The following CLVS1 variants were observed in gnomAD, a reference collection of about 807,000 sequenced individuals.
The protein encoded by CLVS1 is clavesin-1.
In CLVS1, 10 loss-of-function variants were observed where a neutral mutation model predicts 33.1. The ratio of observed to expected loss-of-function variants is 0.30; its 90% CI spans 0.19 to 0.51. The LOEUF (loss-of-function observed/expected upper bound fraction) is 0.51, where lower values mean the gene tolerates loss of function less well. Ranked by LOEUF, CLVS1 falls within the 20% of genes least tolerant of loss-of-function variation. CLVS1 has a pLI of 0.97. For missense variants in CLVS1, 343 were observed against 433.4 expected (o/e 0.79, Z 1.85); for synonymous variants, 163 against 166.1 (o/e 0.98, Z 0.14).
chr8:61,030,310 G>A, the CLVS1 span, among the ~76,000 whole-genome samples: 2 of 151,724 alleles, frequency 1.3e-5, no homozygotes, highest in Admixed American at 6.6e-5. Context: ...GCAGCGGGGT[G>A]GGGGGGCGCA....
chr8:61,296,581 G>T (rs1249466027), intron 1 of CLVS1, among the ~76,000 whole-genome samples: 5 of 152,156 alleles, frequency 3.3e-5, no homozygotes, highest in Non-Finnish European at 7.4e-5. Flanking sequence ...GAAGCACAAT[G>T]TGCTTAGGCT....
intron 3 of CLVS1, among the ~76,000 whole-genome samples, chr8:61,396,903 A>G (rs112211550): frequency 0.011 from 1,638 of 152,276 alleles, 11 homozygotes; most frequent in South Asian, 0.019. Flanking sequence ...ATTTCATTGC[A>G]TATCTATACC....
intron 3 of CLVS1, among the ~76,000 whole-genome samples, chr8:61,381,709 G>A (rs552512771): frequency 1.8e-4 from 27 of 152,186 alleles, no homozygotes; most frequent in Non-Finnish European, 7.4e-5. Context: ...TTGTTCCTAC[G>A]TTAGTTTGCT....
intron 2 of CLVS1, among the ~76,000 whole-genome samples, chr8:61,178,787 G>A (rs1273734751): frequency 1.2e-4 from 19 of 152,056 alleles, no homozygotes; most frequent in Admixed American, 1.2e-3. Flanking sequence ...TTCCAGACAA[G>A]CAAATGCTGA....
chr8:61,340,884 G>A lies in CLVS1; in HGVS notation c.456-35721G>A, dbSNP rs113068854. Among the ~76,000 whole-genome samples the A allele has an allele frequency of 5.1e-3, 782 of 152,214 alleles. 6 individuals are homozygous for A. Among genetic ancestry groups the A allele is most frequent in the African/African-American group, 0.017 (711 of 41,526 alleles). ...ATTAATTCCTCTCTCTTTTTAATTG[G>A]TTCAATAATTTTTAAACCCTGGGGT... On this transcript the variant is annotated intron_variant, in intron 2 of 5. Coordinates refer to ENST00000325897, the MANE Select transcript of CLVS1 (RefSeq NM_173519.3).
intron 2 of CLVS1, among the ~76,000 whole-genome samples, chr8:61,371,433 T>C (rs979373181): frequency 2.6e-5 from 4 of 152,226 alleles, no homozygotes; most frequent in Middle Eastern, 3.2e-3. Context: ...TTTCTCCCAC[T>C]TTGTGGGTTG....
At chr8:61,206,445 T>C (rs1482575750) in intron 2 of CLVS1, among the ~76,000 whole-genome samples, 1 of 152,232 alleles carries the variant, frequency 6.6e-6, no homozygotes, top group Non-Finnish European at 1.5e-5. Context: ...CAGTCTCTAC[T>C]AATTAATATT....
At chr8:60,971,518 C>G in the CLVS1 span, among the ~76,000 whole-genome samples, 1 of 152,158 alleles carries the variant, frequency 6.6e-6, no homozygotes, top group Non-Finnish European at 1.5e-5. Context: ...TCTTCCAAAT[C>G]CCCTTTTTTT....
chr8:61,334,464 C>A (rs1811711784), intron 2 of CLVS1, among the ~76,000 whole-genome samples: 1 of 152,194 alleles, frequency 6.6e-6, no homozygotes, highest in African/African-American at 2.4e-5. Flanking sequence ...CGATTCTTTG[C>A]AGTCAGCTGG....
intron 2 of CLVS1, among the ~76,000 whole-genome samples, chr8:61,140,616 G>A: frequency 6.6e-6 from 1 of 152,040 alleles, no homozygotes; most frequent in East Asian, 1.9e-4. Context: ...AGGCTGGAGC[G>A]CAGTGGCGCG....
chr8:61,392,675 T>C (rs1814352624), intron 3 of CLVS1, among the ~76,000 whole-genome samples: 1 of 151,678 alleles, frequency 6.6e-6, no homozygotes, highest in South Asian at 2.1e-4. Context: ...CTTGCCAACA[T>C]GGTGAAACAC....
chr8:61,180,590 A>G (rs1053052354), intron 2 of CLVS1, among the ~76,000 whole-genome samples: 1 of 152,248 alleles, frequency 6.6e-6, no homozygotes, highest in Non-Finnish European at 1.5e-5. Context: ...AAAATCCTCA[A>G]TAAAATACTG....
At chr8:61,231,591 A>C (rs200739884) in intron 2 of CLVS1, among the ~76,000 whole-genome samples, 1 of 151,574 alleles carries the variant, frequency 6.6e-6, no homozygotes, top group Non-Finnish European at 1.5e-5. Flanking sequence ...CCTAAGTATA[A>C]AGAACATTTT....
intron 2 of CLVS1, among the ~76,000 whole-genome samples, chr8:61,344,049 C>T (rs1464187788): frequency 1.3e-5 from 2 of 151,920 alleles, no homozygotes; most frequent in Non-Finnish European, 2.9e-5. Context: ...ATAATAATTG[C>T]TAATATTTAT....
the CLVS1 span, among the ~76,000 whole-genome samples, chr8:61,012,311 C>A: frequency 6.6e-6 from 1 of 152,224 alleles, no homozygotes; most frequent in Non-Finnish European, 1.5e-5. Flanking sequence ...CACTCTCTCT[C>A]TTTCCTCCCA....
rs184163127 is a variant in CLVS1, at chr8:61,249,310, C to T, written c.-151-50367C>T. ...GTATATGTGCCACATTTTCTTTATC[C>T]GGTCTATCACTGATGGACATTTGGG... On this transcript the variant is annotated intron_variant, in intron 2 of 2. Transcript: ENST00000522621. Among the ~76,000 whole-genome samples the T allele has an allele frequency of 3.7e-3, 556 of 152,224 alleles. 5 individuals carry two copies. Among genetic ancestry groups the T allele is most frequent in the African/African-American group, 0.012 (507 of 41,546 alleles).
chr8:61,428,778 T>A (rs549980214), intron 3 of CLVS1, among the ~76,000 whole-genome samples: 1 of 152,330 alleles, frequency 6.6e-6, no homozygotes, highest in South Asian at 2.1e-4. Context: ...AGAACCTTTG[T>A]ACAAGAAAAG....
chr8:61,180,320 A>T (rs1279972442), intron 2 of CLVS1, among the ~76,000 whole-genome samples: 2 of 152,234 alleles, frequency 1.3e-5, no homozygotes, highest in African/African-American at 4.8e-5. Context: ...CAGACTAATA[A>T]CAAATTCTGA....
intron 3 of CLVS1, among the ~76,000 whole-genome samples, chr8:61,420,905 AG>A (rs1380340154): frequency 1.3e-5 from 2 of 152,072 alleles, no homozygotes; most frequent in Non-Finnish European, 2.9e-5. Flanking sequence ...CAGGAGGCAG[AG>A]GTTGCAGTGA....
Sources: allele counts gnomAD v4.1 joint callset (sites outside exome capture counted in the v4.1 genomes callset), GRCh38; gene constraint gnomAD v4.1.1; transcripts MANE v1.5; gene names NCBI Gene and HGNC (gene_info 2026-07-23, HGNC 2026-07-21).